Variants in FMN2 observed in about 807,000 individuals in gnomAD.
The protein encoded by FMN2 is formin-2.
A neutral mutation model predicts 142.3 loss-of-function variants in FMN2; 51 were observed. That is an observed-to-expected ratio of 0.36 (90% confidence interval 0.29 to 0.45). The LOEUF is 0.45. FMN2 is among the 20% of genes least tolerant of loss of function. The pLI, the probability that FMN2 is intolerant of heterozygous loss-of-function variation, is 1.00. For missense variants in FMN2, 1,936 were observed against 2,122.8 expected (o/e 0.91, Z 1.73); for synonymous variants, 882 against 869.8 (o/e 1.01, Z -0.25).
At chr1:240,348,405 TA>T (rs1222390487) in intron 13 of FMN2, among the ~76,000 whole-genome samples, 1 of 151,976 alleles carries the variant, frequency 6.6e-6, no homozygotes, top group Non-Finnish European at 1.5e-5. Context: ...GTATTTTTAG[TA>T]GATACAGGGT....
intron 7 of FMN2, among the ~76,000 whole-genome samples, chr1:240,271,098 G>GTTTTTTTGTTTTTTT (rs1668991912): frequency 1.4e-5 from 1 of 72,244 alleles, no homozygotes; most frequent in African/African-American, 6.6e-5. Context: ...TTCCACGATG[G>GTTTTTTTGTTTTTTT]TTTTTTTTTT....
intron 7 of FMN2, among the ~76,000 whole-genome samples, chr1:240,287,701 G>A (rs1669638078): frequency 6.6e-6 from 1 of 152,114 alleles, no homozygotes; most frequent in African/African-American, 2.4e-5. Context: ...TCCATTATAG[G>A]AATGTGAAAT....
chr1:240,296,198 T>G (rs1178291364), intron 8 of FMN2, among the ~76,000 whole-genome samples: 1 of 141,010 alleles, frequency 7.1e-6, no homozygotes, highest in Non-Finnish European at 1.5e-5. Flanking sequence ...TAGTACTTTT[T>G]TTTTTTTTTT....
intron 1 of FMN2, among the ~76,000 whole-genome samples, chr1:240,100,285 A>G (rs1661370364): frequency 6.6e-6 from 1 of 152,252 alleles, no homozygotes; most frequent in Non-Finnish European, 1.5e-5. Context: ...TAATGAAAGA[A>G]GAGGTAAAGG....
At chr1:240,306,700 T>C (rs565920071) in intron 8 of FMN2, among the ~76,000 whole-genome samples, 2 of 152,342 alleles carry the variant, frequency 1.3e-5, no homozygotes, top group East Asian at 1.9e-4. Context: ...AATAGTGCTG[T>C]GATGAACATA....
chr1:240,393,261 C>T (rs1158169625), intron 15 of FMN2, among the ~76,000 whole-genome samples: 1 of 152,040 alleles, frequency 6.6e-6, no homozygotes, highest in Non-Finnish European at 1.5e-5. Flanking sequence ...GTGCACACCT[C>T]ATGTCTCTGT....
intron 2 of FMN2, among the ~76,000 whole-genome samples, chr1:240,158,383 C>T (rs560267701): frequency 2.0e-5 from 3 of 152,040 alleles, no homozygotes; most frequent in Non-Finnish European, 4.4e-5. Flanking sequence ...GGGTGATGTT[C>T]AGAGCATTAT....
At position 240,138,064 on chromosome 1, in the gene FMN2, CA is replaced by C. The variant is rs369637580; in HGVS notation, c.1782+14741del. Among the ~76,000 whole-genome samples, 255 of 95,592 alleles carry C rather than the reference CA, an allele frequency of 2.7e-3. 2 individuals carry two copies. The highest frequency in any genetic ancestry group is 3.8e-3 in the South Asian group (12 of 3,144). The allele number at this position is 95,592 out of a possible 152,430, so 62.7% of individuals were successfully genotyped here. On this transcript the variant is annotated intron_variant, in intron 2 of 17. Coordinates refer to ENST00000319653, the MANE Select transcript of FMN2 (RefSeq NM_020066.5). Reference sequence around the variant, plus strand: ...TGGGTGATAGAGCAAGACTCCATCTCAAAAAAAAAAAAAAAAAAAAAAGTAA... The same window carrying C: ...TGGGTGATAGAGCAAGACTCCATCTCAAAAAAAAAAAAAAAAAAAAAGTAA...
At chr1:240,333,817 T>A (rs2103018513) in intron 11 of FMN2, 70 bp from the exon 12 acceptor site, 1 of 1,218,026 alleles carries the variant, frequency 8.2e-7, no homozygotes, top group African/African-American at 1.6e-5. Flanking sequence ...CACTAGAATC[T>A]TTTTTGGTAA....
intron 14 of FMN2, among the ~76,000 whole-genome samples, chr1:240,367,384 C>T (rs1192622117): frequency 6.6e-6 from 1 of 152,090 alleles, no homozygotes; most frequent in Non-Finnish European, 1.5e-5. Flanking sequence ...TTTCATTTTT[C>T]TTTTGCTGAC....
intron 6 of FMN2, among the ~76,000 whole-genome samples, chr1:240,231,044 A>T (rs1402452703): frequency 7.6e-6 from 1 of 132,024 alleles, no homozygotes; most frequent in Non-Finnish European, 1.6e-5. Context: ...AGATTGCAGT[A>T]TTCCCCCAGT....
chr1:240,419,893 G>A (rs1558481653), intron 15 of FMN2, among the ~76,000 whole-genome samples: 1 of 152,096 alleles, frequency 6.6e-6, no homozygotes, highest in South Asian at 2.1e-4. Flanking sequence ...CTTTTCTGTG[G>A]TCATAGAGGT....
intron 2 of FMN2, chr1:240,144,978 T>C: frequency 7.8e-7 from 1 of 1,274,794 alleles, no homozygotes; most frequent in Non-Finnish European, 1.1e-6. Context: ...TCCCCACTCA[T>C]GGTCATGGCC....
chr1:240,396,277 C>T (rs997187648), intron 15 of FMN2, among the ~76,000 whole-genome samples: 1 of 150,884 alleles, frequency 6.6e-6, no homozygotes, highest in African/African-American at 2.4e-5. Context: ...GGTCTGGAAC[C>T]AAACCCACAA....
intron 14 of FMN2, among the ~76,000 whole-genome samples, chr1:240,361,673 A>G (rs541898157): frequency 6.6e-6 from 1 of 152,332 alleles, no homozygotes; most frequent in Non-Finnish European, 1.5e-5. Context: ...AATGGTTGGC[A>G]TGGTTACCCA....
chr1:240,357,886 C>T (rs568549657), intron 14 of FMN2, among the ~76,000 whole-genome samples: 43 of 152,152 alleles, frequency 2.8e-4, no homozygotes, highest in Non-Finnish European at 5.4e-4. Context: ...GGATTACAGG[C>T]GTGGGCCACC....
chr1:240,335,990 A>G (rs865950894), intron 13 of FMN2, among the ~76,000 whole-genome samples: 7 of 151,704 alleles, frequency 4.6e-5, no homozygotes, highest in African/African-American at 1.7e-4. Flanking sequence ...CTAAAAATAC[A>G]AAATTAGCCA....
intron 6 of FMN2, among the ~76,000 whole-genome samples, chr1:240,241,601 AAT>A (rs1667897591): frequency 6.6e-6 from 1 of 152,108 alleles, no homozygotes; most frequent in South Asian, 2.1e-4. Flanking sequence ...CTCAATACAT[AAT>A]AGTTATTATT....
At chr1:240,445,707 T>TTTG (rs1230173687) in intron 16 of FMN2, among the ~76,000 whole-genome samples, 1 of 151,218 alleles carries the variant, frequency 6.6e-6, no homozygotes, top group Non-Finnish European at 1.5e-5. Context: ...AAAGGGTTTT[T>TTTG]TTTTTTTTTC....
Sources: allele counts gnomAD v4.1 joint callset (sites outside exome capture counted in the v4.1 genomes callset), GRCh38; gene constraint gnomAD v4.1.1; transcripts MANE v1.5; gene names NCBI Gene and HGNC (gene_info 2026-07-23, HGNC 2026-07-21).